PLCZ1: variants seen among roughly 807,000 people sequenced by gnomAD.
PLCZ1 encodes the protein 1-phosphatidylinositol 4,5-bisphosphate phosphodiesterase zeta-1.
A neutral mutation model predicts 76.8 loss-of-function variants in PLCZ1; 64 were observed. The ratio of observed to expected loss-of-function variants is 0.83; its 90% confidence interval spans 0.68 to 1.03. The LOEUF (loss-of-function observed/expected upper bound fraction) is 1.03. PLCZ1 is among the 50% of genes least tolerant of loss of function. The probability of loss-of-function intolerance (pLI) is 0.00; values close to 1 mark genes in which losing one functional copy is unlikely to be tolerated. For synonymous variants in PLCZ1, 248 were observed against 230.8 expected (o/e 1.07, Z -0.68); for missense variants, 751 against 713.7 (o/e 1.05, Z -0.60).
At chr12:18,693,740 A>C in intron 12 of PLCZ1, 2 of 1,533,198 alleles carry the variant, frequency 1.3e-6, no homozygotes, top group Non-Finnish European at 1.8e-6. Context: ...ATTTGATTCT[A>C]GGGTAGATGT....
At chr12:18,653,161 T>C in the PLCZ1 span, among the ~76,000 whole-genome samples, 1 of 152,244 alleles carries the variant, frequency 6.6e-6, no homozygotes, top group African/African-American at 2.4e-5. Flanking sequence ...AACAAAGTGG[T>C]TGCAGTAGCA....
intron 4 of PLCZ1, among the ~76,000 whole-genome samples, chr12:18,720,018 A>G (rs1592256159): frequency 6.6e-6 from 1 of 152,218 alleles, no homozygotes; most frequent in African/African-American, 2.4e-5. Context: ...CCAGTCACTC[A>G]CCACACCCAA....
rs951541870 is a variant in PLCZ1, at chr12:18,695,133, G to A, written c.1292-54C>T. 63 of 1,523,244 alleles carry A rather than the reference G, an allele frequency of 4.1e-5. 1 individual carries two copies. Among genetic ancestry groups the A allele is most frequent in the Non-Finnish European group, 5.4e-5 (59 of 1,099,582 alleles). The allele number at this position is 1,523,244 out of a possible 1,614,324, so 94.4% of individuals were successfully genotyped here. On this transcript the variant is annotated intron_variant, in intron 11 of 14. Coordinates refer to ENST00000266505, the MANE Select transcript of PLCZ1 (RefSeq NM_033123.4). ...CAGGTAATAGAGAATACAAATAAAG[G>A]AACACAAACCACTTACTGAAATCTA... is the stretch of plus-strand genomic sequence containing the variant.
the PLCZ1 span, among the ~76,000 whole-genome samples, chr12:18,650,702 GTGTATA>G: frequency 7.2e-5 from 2 of 27,694 alleles, no homozygotes; most frequent in African/African-American, 1.3e-4. Context: ...GTGTGTGTGT[GTGTATA>G]TATCTATATA....
the PLCZ1 span, among the ~76,000 whole-genome samples, chr12:18,658,219 A>G: frequency 1.3e-5 from 2 of 152,166 alleles, no homozygotes; most frequent in Non-Finnish European, 2.9e-5. Flanking sequence ...GTATATTAAC[A>G]TTTGCATATT....
At chr12:18,700,054 T>G in intron 9 of PLCZ1, 104 bp from the exon 10 acceptor site, 1 of 974,184 alleles carries the variant, frequency 1.0e-6, no homozygotes, top group Non-Finnish European at 1.6e-6. Flanking sequence ...TTTTCATCTT[T>G]TCATAAGATT....
intron 12 of PLCZ1, chr12:18,693,539 C>T: frequency 1.2e-6 from 2 of 1,610,778 alleles, no homozygotes; most frequent in Non-Finnish European, 1.7e-6. Context: ...TGGCTCTGAA[C>T]TTATTCAGAA....
chr12:18,684,185 T>C lies in PLCZ1; in HGVS notation c.1686A>G (p.Ile562Met). The C allele has an allele frequency of 6.2e-7, 1 of 1,612,350 alleles. No individual in the cohort carries two copies. The highest frequency in any genetic ancestry group is 8.5e-7 in the Non-Finnish European group (1 of 1,178,958). ...IRFVVEGQGLIAGNEFLGQYT... is the reference protein window; with the variant it reads ...IRFVVEGQGLMAGNEFLGQYT... ...ATTGCCCAAGAAATTCATTTCCTGC[T>C]ATTAAACCTTGACCTTCAACAACAA... Residue 562 changes from isoleucine to methionine, a missense_variant, in exon 14 of 15, where the codon ATA becomes ATG. Coordinates refer to ENST00000266505, the MANE Select transcript of PLCZ1 (RefSeq NM_033123.4).
chr12:18,711,690 G>A (rs1202150269), intron 6 of PLCZ1, among the ~76,000 whole-genome samples: 1 of 151,890 alleles, frequency 6.6e-6, no homozygotes, highest in Non-Finnish European at 1.5e-5. Flanking sequence ...GGGGAAGATC[G>A]TGGCGAGAGC....
intron 6 of PLCZ1, among the ~76,000 whole-genome samples, chr12:18,706,746 G>T (rs1413671575): frequency 2.6e-5 from 4 of 152,200 alleles, no homozygotes; most frequent in Non-Finnish European, 5.9e-5. Flanking sequence ...ACAGCACTCA[G>T]AACAGGGTCG....
At chr12:18,670,304 A>G in the PLCZ1 span, among the ~76,000 whole-genome samples, 2 of 152,254 alleles carry the variant, frequency 1.3e-5, no homozygotes, top group South Asian at 4.1e-4. Context: ...GCACACACAC[A>G]CACACACAAC....
intron 5 of PLCZ1, among the ~76,000 whole-genome samples, chr12:18,718,581 A>T (rs1958232782): frequency 6.6e-6 from 1 of 152,010 alleles, no homozygotes. Context: ...GTTTAACATG[A>T]CCTTCCCACT....
intron 8 of PLCZ1, 27 bp downstream of exon 8, chr12:18,701,665 C>T (rs1319979053): frequency 6.2e-7 from 1 of 1,612,196 alleles, no homozygotes; most frequent in Admixed American, 1.7e-5. Flanking sequence ...CCATCTGCCA[C>T]TTCTTCTTCC....
At chr12:18,660,420 A>C in the PLCZ1 span, among the ~76,000 whole-genome samples, 1 of 152,094 alleles carries the variant, frequency 6.6e-6, no homozygotes, top group African/African-American at 2.4e-5. Context: ...CTCCAGCTGA[A>C]GTGAGATCCA....
the PLCZ1 span, among the ~76,000 whole-genome samples, chr12:18,674,136 A>G: frequency 3.9e-5 from 6 of 152,346 alleles, no homozygotes; most frequent in African/African-American, 1.4e-4. Flanking sequence ...TAGAGGGAAA[A>G]GCATATAGAA....
chr12:18,729,123 A>G (rs1444332772), intron 3 of PLCZ1, among the ~76,000 whole-genome samples: 1 of 152,066 alleles, frequency 6.6e-6, no homozygotes, highest in African/African-American at 2.4e-5. Flanking sequence ...CTGCAAAAGG[A>G]AATATAATTT....
the PLCZ1 span, among the ~76,000 whole-genome samples, chr12:18,676,068 G>A: frequency 6.6e-6 from 1 of 152,142 alleles, no homozygotes; most frequent in South Asian, 2.1e-4. Flanking sequence ...CGAGTCAATA[G>A]ACCTGTGTCT....
At chr12:18,714,330 C>G (rs1204099709) in intron 5 of PLCZ1, among the ~76,000 whole-genome samples, 1 of 152,140 alleles carries the variant, frequency 6.6e-6, no homozygotes, top group Non-Finnish European at 1.5e-5. Context: ...GCAACACTAA[C>G]ATAAGGCAAT....
intron 13 of PLCZ1, among the ~76,000 whole-genome samples, chr12:18,687,420 A>G (rs974536216): frequency 2.0e-5 from 3 of 152,164 alleles, no homozygotes; most frequent in Admixed American, 6.6e-5. Flanking sequence ...GTCTCCTTCA[A>G]GGTGATCCTG....
Sources: gnomAD v4.1 joint callset for allele counts (sites outside exome capture counted in the v4.1 genomes callset) on GRCh38, gnomAD v4.1.1 for gene constraint, MANE v1.5 for transcripts, NCBI Gene and HGNC (gene_info 2026-07-23, HGNC 2026-07-21) for gene names.